The following TRIM5 variants were observed in gnomAD, a reference collection of about 807,000 sequenced individuals.
The protein encoded by TRIM5 is tripartite motif-containing protein 5.
In TRIM5, 31 loss-of-function variants were observed where a neutral mutation model predicts 35.6. The ratio of observed to expected loss-of-function variants is 0.87; its 90% confidence interval spans 0.65 to 1.18. The LOEUF (loss-of-function observed/expected upper bound fraction) is 1.18. Ranked by LOEUF, TRIM5 falls within the 50% of genes most tolerant of loss-of-function variation. TRIM5 has a pLI of 0.00. For missense variants in TRIM5, 609 were observed against 591.6 expected, an observed-to-expected ratio of 1.03 and a Z score of -0.31; for synonymous variants, 243 against 215.6, an observed-to-expected ratio of 1.13 and a Z score of -1.11.
At chr11:5,597,179 G>A in the TRIM5 span, among the ~76,000 whole-genome samples, 2 of 152,142 alleles carry the variant, frequency 1.3e-5, no homozygotes, top group Admixed American at 6.5e-5. Context: ...CTGTGTGCCC[G>A]AAGACTGTTA....
downstream of TRIM5, among the ~76,000 whole-genome samples, chr11:5,659,182 G>A (rs1391635185): frequency 6.6e-6 from 1 of 151,960 alleles, no homozygotes; most frequent in Middle Eastern, 3.2e-3. Context: ...ACATGTCCGC[G>A]GGGCCCACAG....
the TRIM5 span, chr11:5,610,149 G>A: frequency 6.2e-7 from 1 of 1,614,054 alleles, no homozygotes; most frequent in Non-Finnish European, 8.5e-7. Context: ...TTCTAGGAGT[G>A]AGTTCTGGAC....
chr11:5,667,664 A>AC lies in TRIM5; in HGVS notation c.767+24dup, dbSNP rs1231491062. The AC allele has an allele frequency of 3.1e-6, 5 of 1,612,596 alleles. 1 individual carries two copies. In the South Asian group the frequency reaches 5.5e-5, roughly 18 times the overall value. ...AAATCTCTCCTCACTGCACAAAAGG[A>AC]CCATCTCTGTCCTCCCACACATACC... On this transcript the variant is annotated intron_variant, in intron 5 of 7. Coordinates refer to ENST00000380034, the MANE Select transcript of TRIM5 (RefSeq NM_033034.3).
chr11:5,603,738 G>A, the TRIM5 span: 1 of 1,612,902 alleles, frequency 6.2e-7, no homozygotes, highest in Admixed American at 1.7e-5. Context: ...AGTACCAGGT[G>A]AGACCCCAGG....
At chr11:5,643,722 C>T in the TRIM5 span, 1 of 1,565,546 alleles carries the variant, frequency 6.4e-7, no homozygotes, top group East Asian at 2.2e-5. Context: ...TTTCTCATTT[C>T]TTCACCTACA....
chr11:5,656,223 C>G, the TRIM5 span, among the ~76,000 whole-genome samples: 1 of 152,052 alleles, frequency 6.6e-6, no homozygotes, highest in South Asian at 2.1e-4. Flanking sequence ...AGGCAACCTA[C>G]AGAATGAGAG....
At chr11:5,594,450 C>T in the TRIM5 span, among the ~76,000 whole-genome samples, 1 of 152,114 alleles carries the variant, frequency 6.6e-6, no homozygotes, top group East Asian at 1.9e-4. Flanking sequence ...ATTGGGACTA[C>T]AGGCACGTAC....
At chr11:5,606,097 G>T in the TRIM5 span, among the ~76,000 whole-genome samples, 1 of 152,194 alleles carries the variant, frequency 6.6e-6, no homozygotes, top group African/African-American at 2.4e-5. Flanking sequence ...CTGATGCTGT[G>T]TTGGGAATTT....
chr11:5,634,203 C>G, the TRIM5 span, among the ~76,000 whole-genome samples: 44 of 152,098 alleles, frequency 2.9e-4, no homozygotes, highest in South Asian at 8.9e-3. Context: ...ACATAAAGGA[C>G]TATGGTTTTC....
intron 1 of TRIM5, among the ~76,000 whole-genome samples, chr11:5,682,608 A>G (rs1852575523): frequency 6.6e-6 from 1 of 152,196 alleles, no homozygotes; most frequent in Admixed American, 6.5e-5. Context: ...ACCAGATCCA[A>G]GGGGGAAATT....
intron 4 of TRIM5, among the ~76,000 whole-genome samples, chr11:5,668,543 G>A (rs912472282): frequency 4.6e-5 from 7 of 151,814 alleles, no homozygotes; most frequent in East Asian, 1.9e-4. Flanking sequence ...TCCGCCTCCC[G>A]GGTTCAAGCC....
chr11:5,675,006 A>G (rs1031775606), intron 4 of TRIM5, among the ~76,000 whole-genome samples: 67 of 151,744 alleles, frequency 4.4e-4, no homozygotes, highest in African/African-American at 1.6e-3. Flanking sequence ...AATGTATTGT[A>G]TTCTTGAAAA....
chr11:5,609,818 A>G, the TRIM5 span, among the ~76,000 whole-genome samples: 2 of 152,180 alleles, frequency 1.3e-5, no homozygotes, highest in East Asian at 1.9e-4. Flanking sequence ...AGCTACTCAG[A>G]AGGCTGAGGC....
chr11:5,621,124 T>C, the TRIM5 span, among the ~76,000 whole-genome samples: 3 of 152,208 alleles, frequency 2.0e-5, no homozygotes, highest in Non-Finnish European at 4.4e-5. Flanking sequence ...CTTCTATCCA[T>C]TTTCCTTTAA....
chr11:5,628,910 C>G, the TRIM5 span, among the ~76,000 whole-genome samples: 4 of 151,932 alleles, frequency 2.6e-5, no homozygotes, highest in Non-Finnish European at 5.9e-5. Context: ...TATATCTGTG[C>G]TATTCCCATC....
the TRIM5 span, among the ~76,000 whole-genome samples, chr11:5,627,545 A>G: frequency 6.6e-6 from 1 of 152,328 alleles, no homozygotes; most frequent in Non-Finnish European, 1.5e-5. Context: ...AGAAAAAGAC[A>G]TTAGGGATTG....
In TRIM5 at chr11:5,663,858, A is replaced by C. The variant is rs1850930385; in HGVS notation, c.*951T>G. 6.5e-6 allele frequency: 1 copy of C among 152,918 alleles called. No individual in the cohort carries two copies. The highest frequency in any genetic ancestry group is 1.5e-5 in the Non-Finnish European group (1 of 68,632). 9.5% of individuals were successfully genotyped at this position (152,918 alleles called of 1,614,324 possible). On this transcript the variant is annotated 3_prime_UTR_variant, in exon 8 of 8. Coordinates refer to ENST00000380034, the MANE Select transcript of TRIM5 (RefSeq NM_033034.3). ...TCTAGTCACCCTACTATGCAATAAA[A>C]CATTAGCACTTATTTAATGTGAAGT...
At chr11:5,674,429 A>G (rs1278571063) in intron 4 of TRIM5, among the ~76,000 whole-genome samples, 1 of 152,244 alleles carries the variant, frequency 6.6e-6, no homozygotes, top group Non-Finnish European at 1.5e-5. Context: ...TACATTTTCC[A>G]TTTCACCCCT....
the TRIM5 span, among the ~76,000 whole-genome samples, chr11:5,638,793 T>C: frequency 0.28 from 43,206 of 152,080 alleles, 6,929 homozygotes; most frequent in East Asian, 0.62. Context: ...GTCTAGCTGC[T>C]TTTTTTCACA....
Sources: allele counts gnomAD v4.1 joint callset (sites outside exome capture counted in the v4.1 genomes callset), GRCh38; gene constraint gnomAD v4.1.1; transcripts MANE v1.5; gene names NCBI Gene and HGNC (gene_info 2026-07-23, HGNC 2026-07-21).